FRMD6: variants seen among roughly 807,000 people sequenced by gnomAD.
FRMD6 encodes the protein FERM domain containing 6, also known as FERM domain-containing protein 6.
Under a neutral mutation model 73.2 loss-of-function variants are expected in FRMD6, and 37 were observed. The ratio of observed to expected loss-of-function variants is 0.51; its 90% CI spans 0.39 to 0.66. FRMD6 has a LOEUF of 0.66. FRMD6 is among the 30% of genes least tolerant of loss of function. The probability of loss-of-function intolerance (pLI) is 0.00; values close to 1 mark genes in which losing one functional copy is unlikely to be tolerated. For missense variants in FRMD6, 714 were observed against 780.5 expected (o/e 0.91, Z 1.02); for synonymous variants, 273 against 282.2 (o/e 0.97, Z 0.33).
At chr14:51,682,133 A>G (rs1032723843) in intron 1 of FRMD6, among the ~76,000 whole-genome samples, 3 of 152,146 alleles carry the variant, frequency 2.0e-5, no homozygotes, top group Non-Finnish European at 4.4e-5. Context: ...ATTTCCATAA[A>G]TTATTTACTG....
At chr14:51,582,189 A>G (rs1413106747) in intron 2 of FRMD6, among the ~76,000 whole-genome samples, 1 of 152,184 alleles carries the variant, frequency 6.6e-6, no homozygotes, top group African/African-American at 2.4e-5. Context: ...AGAAAGAGTC[A>G]CTAGAGTTTG....
chr14:51,720,735 TA>T (rs1897510530), intron 11 of FRMD6, among the ~76,000 whole-genome samples: 1 of 152,138 alleles, frequency 6.6e-6, no homozygotes, highest in Admixed American at 6.5e-5. Context: ...TGGAGTGCAG[TA>T]ATAGTGACAG....
At chr14:51,420,216 G>T in the FRMD6 span, among the ~76,000 whole-genome samples, 2 of 152,208 alleles carry the variant, frequency 1.3e-5, no homozygotes, top group Non-Finnish European at 2.9e-5. Context: ...ATATGAGAGA[G>T]AAATATACTT....
chr14:51,636,752 C>G (rs1365215665), intron 2 of FRMD6, among the ~76,000 whole-genome samples: 1 of 152,006 alleles, frequency 6.6e-6, no homozygotes, highest in African/African-American at 2.4e-5. Flanking sequence ...CCCGGGGCCA[C>G]GGAGTTGTTG....
At chr14:51,714,725 G>A (rs1897151586) in intron 9 of FRMD6, 3 of 152,084 alleles carry the variant, frequency 2.0e-5, no homozygotes, top group African/African-American at 4.8e-5. Flanking sequence ...TAGATATCCT[G>A]TATTGTTCAC....
At chr14:51,657,585 T>G (rs866902281) in intron 1 of FRMD6, among the ~76,000 whole-genome samples, 6 of 152,346 alleles carry the variant, frequency 3.9e-5, no homozygotes, top group South Asian at 2.1e-4. Flanking sequence ...GCCCAGTTTC[T>G]TTATCCATTT....
the FRMD6 span, among the ~76,000 whole-genome samples, chr14:51,476,265 A>C: frequency 6.6e-6 from 1 of 152,204 alleles, no homozygotes; most frequent in Non-Finnish European, 1.5e-5. Context: ...AGAGATAAGA[A>C]GGCAGGGGCC....
rs2140622091 is a variant in FRMD6 at position 51,720,171 on chromosome 14, C to T, written c.1141C>T (p.Leu381=). 1 of 1,614,026 alleles carries T rather than the reference C, an allele frequency of 6.2e-7. No individual in the cohort carries two copies. The highest frequency in any genetic ancestry group is 8.5e-7 in the Non-Finnish European group (1 of 1,180,044). ...TGCGGGCAGCATGAAACACAAGCGC[C>T]TGTCCCGTCATTCCACCGCCAGCCA... The part of the protein sequence containing the change: ...SSAGSMKHKR[L]SRHSTASHSS... Residue 381 remains leucine, a synonymous_variant, in exon 11 of 14, where the codon CTG becomes TTG. Transcript: ENST00000344768.
intron 1 of FRMD6, among the ~76,000 whole-genome samples, chr14:51,549,514 A>T (rs1353581010): frequency 6.6e-6 from 1 of 151,204 alleles, no homozygotes; most frequent in Non-Finnish European, 1.5e-5. Flanking sequence ...CTGCTGCTGC[A>T]TTAGTGCCCT....
intron 1 of FRMD6, among the ~76,000 whole-genome samples, chr14:51,499,870 C>A (rs1398177227): frequency 1.3e-5 from 2 of 151,846 alleles, no homozygotes; most frequent in South Asian, 2.1e-4. Context: ...TCATTTGATT[C>A]TTATGTCTGA....
chr14:51,427,557 A>G, the FRMD6 span, among the ~76,000 whole-genome samples: 1 of 152,230 alleles, frequency 6.6e-6, no homozygotes, highest in Admixed American at 6.5e-5. Context: ...TTACTTATGC[A>G]AACATTGAGA....
chr14:51,525,811 C>G (rs1451114225), intron 1 of FRMD6, among the ~76,000 whole-genome samples: 1 of 152,138 alleles, frequency 6.6e-6, no homozygotes, highest in East Asian at 1.9e-4. Context: ...ATTATTTTTA[C>G]TCTTCTAAAA....
chr14:51,702,166 A>G (rs1016738986), intron 4 of FRMD6, among the ~76,000 whole-genome samples: 10 of 152,030 alleles, frequency 6.6e-5, no homozygotes, highest in African/African-American at 2.4e-4. Flanking sequence ...TAAGGAGCAA[A>G]TGGTCACCAC....
At chr14:51,713,820 C>T (rs1472449574) in intron 9 of FRMD6, 1 of 152,200 alleles carries the variant, frequency 6.6e-6, no homozygotes, top group Non-Finnish European at 1.5e-5. Flanking sequence ...GTGAAAGGAT[C>T]TGAGCTGTTT....
chr14:51,602,829 A>T (rs1457325835), intron 2 of FRMD6, among the ~76,000 whole-genome samples: 1 of 152,194 alleles, frequency 6.6e-6, no homozygotes, highest in African/African-American at 2.4e-5. Context: ...AATTACAGAG[A>T]TGTTTATCCC....
At chr14:51,509,320 G>A (rs944420385) in intron 1 of FRMD6, among the ~76,000 whole-genome samples, 3 of 152,022 alleles carry the variant, frequency 2.0e-5, no homozygotes, top group African/African-American at 7.2e-5. Flanking sequence ...TCAGGTGATC[G>A]AGACCATCCT....
At position 51,711,553 on chromosome 14, in the gene FRMD6, C is replaced by T. The variant is rs747022006; in HGVS notation, c.737C>T (p.Ser246Leu). ...LYKDKREIEA[S>L]LTLGLTMRGI... Reference sequence around the variant, plus strand: ...CAGGATAAAAGGGAAATTGAAGCATCGCTGACTCTTGGATTGACCATGAGG... The same window carrying T: ...CAGGATAAAAGGGAAATTGAAGCATTGCTGACTCTTGGATTGACCATGAGG... The change falls in exon 8 of 14, where the codon TCG (serine) becomes TTG (leucine). Residue 246 changes from serine to leucine, a missense_variant. By Grantham distance (145) the Ser-to-Leu change is moderately radical. Transcript: ENST00000344768. 7 of 1,605,536 alleles carry T rather than the reference C, an allele frequency of 4.4e-6. No individual in the cohort carries two copies. Among genetic ancestry groups the T allele is most frequent in the East Asian group, 4.5e-5 (2 of 44,798 alleles).
chr14:51,659,883 A>G (rs1325554313), intron 1 of FRMD6, among the ~76,000 whole-genome samples: 1 of 152,208 alleles, frequency 6.6e-6, no homozygotes, highest in Non-Finnish European at 1.5e-5. Context: ...TTCTGTTATG[A>G]GGGCCAGAGT....
intron 2 of FRMD6, among the ~76,000 whole-genome samples, chr14:51,630,972 C>T (rs1388942722): frequency 6.6e-6 from 1 of 152,044 alleles, no homozygotes; most frequent in African/African-American, 2.4e-5. Flanking sequence ...GTCAAATTGG[C>T]AGTTTCAGAA....
Sources: allele counts gnomAD v4.1 joint callset (sites outside exome capture counted in the v4.1 genomes callset), GRCh38; gene constraint gnomAD v4.1.1; transcripts MANE v1.5; gene names NCBI Gene and HGNC (gene_info 2026-07-23, HGNC 2026-07-21).